Variants in CTIF observed in about 807,000 individuals in gnomAD.
CTIF encodes CBP80/20-dependent translation initiation factor.
CTIF carries 21 observed loss-of-function variants against 66.0 expected under a neutral mutation model. The observed-to-expected ratio is 0.32, with a 90% confidence interval of 0.23 to 0.46. CTIF has a LOEUF of 0.46. CTIF is among the 20% of genes least tolerant of loss of function. CTIF has a pLI of 1.00. For missense variants in CTIF, 739 were observed against 812.7 expected, an observed-to-expected ratio of 0.91 and a Z score of 1.10; for synonymous variants, 345 against 326.4, an observed-to-expected ratio of 1.06 and a Z score of -0.62.
Position 48,859,512 on chromosome 18 carries a change from C to G in CTIF, c.1750C>G (p.Pro584Ala). Residue 584 changes from proline to alanine, a missense_variant, in exon 12 of 12, where the codon CCC becomes GCC. Transcript: ENST00000256413. ...HANSWNPLTPPITQYYNRTIQ... is the reference protein window; with the variant it reads ...HANSWNPLTPAITQYYNRTIQ... ...TAACAGCTGGAACCCTCTGACGCCC[C>G]CCATCACGCAGTACTACAACAGAAC... 6.2e-7 allele frequency: 1 copy of G among 1,614,210 alleles called. No individual in the cohort carries two copies. Among genetic ancestry groups the G allele is most frequent in the South Asian group, 1.1e-5 (1 of 91,084 alleles).
At chr18:48,743,075 A>G (rs2092568258) in intron 7 of CTIF, among the ~76,000 whole-genome samples, 1 of 152,248 alleles carries the variant, frequency 6.6e-6, no homozygotes, top group Admixed American at 6.5e-5. Context: ...GAACACTGAT[A>G]TTAAAAGGCT....
intron 2 of CTIF, among the ~76,000 whole-genome samples, chr18:48,633,712 T>C (rs2090762911): frequency 6.8e-6 from 1 of 147,396 alleles, no homozygotes. Context: ...AATAAATAAA[T>C]AAATAAATAA....
chr18:48,702,271 T>G (rs567126092), intron 6 of CTIF, among the ~76,000 whole-genome samples: 38 of 152,328 alleles, frequency 2.5e-4, no homozygotes, highest in African/African-American at 9.1e-4. Flanking sequence ...GTCTTGCCCA[T>G]TCCAGCGACC....
At chr18:48,731,689 G>A (rs11082697) in intron 7 of CTIF, among the ~76,000 whole-genome samples, 11,865 of 152,244 alleles carry the variant, frequency 0.078, 612 homozygotes, top group South Asian at 0.19. Flanking sequence ...AGTTTTTAGC[G>A]GGTTGGGACC....
intron 10 of CTIF, among the ~76,000 whole-genome samples, chr18:48,852,338 C>A (rs1023308671): frequency 5.3e-5 from 8 of 151,298 alleles, no homozygotes; most frequent in Non-Finnish European, 1.2e-4. Flanking sequence ...GCTAGGCCCA[C>A]CTTTCCCTCC....
At chr18:48,831,783 A>G (rs901766906) in intron 10 of CTIF, among the ~76,000 whole-genome samples, 11 of 152,360 alleles carry the variant, frequency 7.2e-5, no homozygotes, top group African/African-American at 2.4e-4. Flanking sequence ...TTAACGTGTA[A>G]TCAATATTAA....
chr18:48,716,156 G>T (rs1026532981), intron 7 of CTIF, among the ~76,000 whole-genome samples: 7 of 152,238 alleles, frequency 4.6e-5, no homozygotes, highest in Non-Finnish European at 7.3e-5. Flanking sequence ...CTCCTACTGG[G>T]ATTGGTTGGG....
chr18:48,626,538 G>A (rs1237518161), intron 2 of CTIF, among the ~76,000 whole-genome samples: 3 of 149,982 alleles, frequency 2.0e-5, no homozygotes, highest in East Asian at 2.0e-4. Flanking sequence ...TAGTAGAGAC[G>A]GAGTTTCACT....
At chr18:48,780,321 G>A (rs774707694) in intron 9 of CTIF, among the ~76,000 whole-genome samples, 34 of 152,204 alleles carry the variant, frequency 2.2e-4, no homozygotes, top group Non-Finnish European at 3.1e-4. Flanking sequence ...ACAGCCCAGA[G>A]TGCTACCCGG....
rs549445660 is a variant in CTIF, at chr18:48,710,954, A to C, written c.508-665A>C. On this transcript the variant is annotated intron_variant, in intron 6 of 11. Coordinates refer to ENST00000256413, the MANE Select transcript of CTIF (RefSeq NM_014772.3). The stretch of plus-strand genomic sequence containing the variant: ...ACCACAGCTCTTCAGCCTGGATGAC[A>C]AAACAAGACCCTGTCTCAAATAATA... Among the ~76,000 whole-genome samples, 11 of 152,320 alleles carry C rather than the reference A, an allele frequency of 7.2e-5. No homozygotes were observed. In the South Asian group the frequency reaches 1.9e-3, roughly 26 times the overall value.
chr18:48,545,209 C>T (rs1323995304), intron 1 of CTIF, among the ~76,000 whole-genome samples: 11 of 152,286 alleles, frequency 7.2e-5, no homozygotes, highest in African/African-American at 1.9e-4. Context: ...AATGCAAAGG[C>T]GGAGATGCAG....
chr18:48,678,871 G>C (rs904689693), intron 6 of CTIF, among the ~76,000 whole-genome samples: 2 of 152,202 alleles, frequency 1.3e-5, no homozygotes, highest in Non-Finnish European at 2.9e-5. Flanking sequence ...GGATTTTAGG[G>C]ATTGGCAAAC....
At chr18:48,549,510 ACT>A (rs1302264850) in intron 1 of CTIF, among the ~76,000 whole-genome samples, 1 of 151,854 alleles carries the variant, frequency 6.6e-6, no homozygotes, top group African/African-American at 2.4e-5. Flanking sequence ...CATTTCAAGG[ACT>A]CTGTCTAACC....
chr18:48,809,787 A>G (rs1232007088), intron 9 of CTIF, among the ~76,000 whole-genome samples: 2 of 151,822 alleles, frequency 1.3e-5, no homozygotes, highest in Admixed American at 1.3e-4. Context: ...TTTTTAATGA[A>G]TCACCTATTT....
intron 7 of CTIF, among the ~76,000 whole-genome samples, chr18:48,754,539 G>A (rs1908157747): frequency 6.6e-6 from 1 of 152,198 alleles, no homozygotes; most frequent in South Asian, 2.1e-4. Flanking sequence ...GTGGCATCTG[G>A]GTTCTTCCCT....
At chr18:48,578,610 T>C (rs1010750237) in intron 1 of CTIF, among the ~76,000 whole-genome samples, 7 of 152,238 alleles carry the variant, frequency 4.6e-5, no homozygotes, top group Non-Finnish European at 8.8e-5. Flanking sequence ...TTTTTAGTGT[T>C]AAAAGCTCAG....
rs560482978 is a variant in CTIF at position 48,716,733 on chromosome 18, C to G, written c.584+5038C>G. Among the ~76,000 whole-genome samples the G allele has an allele frequency of 2.6e-5, 4 of 152,296 alleles. No homozygotes were observed. The East Asian group carries it at 7.7e-4, about 29-fold the overall frequency. ...AGAAGACCCTGCAGGCTCCAAAGCC[C>G]GGCCTCTTAACCATCAGAAGAGGTG... On this transcript the variant is annotated intron_variant, in intron 7 of 11. Coordinates refer to ENST00000256413, the MANE Select transcript of CTIF (RefSeq NM_014772.3).
chr18:48,587,733 C>CT (rs1399290185), intron 1 of CTIF, among the ~76,000 whole-genome samples: 2 of 152,118 alleles, frequency 1.3e-5, no homozygotes, highest in African/African-American at 4.8e-5. Flanking sequence ...CTGTATTTTT[C>CT]TTTTTTCCCC....
At position 48,730,462 on chromosome 18, in the gene CTIF, C is replaced by T. The variant is rs1328342248; in HGVS notation, c.584+18767C>T. ...GCCCCTGTGGTGTGAGGGGCTTCCG[C>T]GGTGTGAGGGGCTTCCGCGGTGTGA... is the stretch of plus-strand genomic sequence containing the variant. On this transcript the variant is annotated intron_variant, in intron 7 of 11. Transcript: ENST00000256413. 1.6e-4 allele frequency among the ~76,000 whole-genome samples: 20 copies of T among 128,432 alleles called. 1 individual carries two copies. Among genetic ancestry groups the T allele is most frequent in the African/African-American group, 3.8e-4 (13 of 34,200 alleles). 84.3% of individuals were successfully genotyped at this position (128,432 alleles called of 152,430 possible).
Sources: allele counts gnomAD v4.1 joint callset (sites outside exome capture counted in the v4.1 genomes callset), GRCh38; gene constraint gnomAD v4.1.1; transcripts MANE v1.5; gene names NCBI Gene and HGNC (gene_info 2026-07-23, HGNC 2026-07-21).